Variants in HPRT1 observed in about 807,000 individuals in gnomAD.
HPRT1 encodes the protein hypoxanthine phosphoribosyltransferase 1.
In HPRT1, 4 loss-of-function variants were observed where a neutral mutation model predicts 19.0. The ratio of observed to expected loss-of-function variants is 0.21; its 90% CI spans 0.10 to 0.48. The LOEUF (loss-of-function observed/expected upper bound fraction) is 0.48, where lower values mean the gene tolerates loss of function less well. Ranked by LOEUF, HPRT1 falls within the 20% of genes least tolerant of loss-of-function variation. The pLI, the probability that HPRT1 is intolerant of heterozygous loss-of-function variation, is 0.98. For synonymous variants in HPRT1, 53 were observed against 54.9 expected (o/e 0.97, Z 0.15); for missense variants, 65 against 164.0 (o/e 0.40, Z 3.30).
At chrX:134,472,898 T>G (rs1332923307) in intron 1 of HPRT1, among the ~76,000 whole-genome samples, 1 of 109,468 alleles carries the variant, frequency 9.1e-6, no homozygotes, top group Non-Finnish European at 1.9e-5. Flanking sequence ...GTTTGTTTTG[T>G]TTTTTTTGAG....
chrX:134,495,081 G>T (rs1008113402), intron 6 of HPRT1, among the ~76,000 whole-genome samples: 4 of 109,760 alleles, frequency 3.6e-5, no homozygotes, highest in Non-Finnish European at 7.6e-5. Context: ...CACTCTCCCT[G>T]CTGAGAATTA....
chrX:134,466,608 G>T (rs1194818606), intron 1 of HPRT1, among the ~76,000 whole-genome samples: 1 of 111,557 alleles, frequency 9.0e-6, no homozygotes, highest in Non-Finnish European at 1.9e-5. Flanking sequence ...CTCAGTCTGT[G>T]GTATTTTGTT....
chrX:134,470,083 T>C (rs1025732570), intron 1 of HPRT1, among the ~76,000 whole-genome samples: 16 of 112,688 alleles, frequency 1.4e-4, no homozygotes, highest in African/African-American at 5.2e-4. Flanking sequence ...GGCATAATCT[T>C]TTCCCCCAAG....
At chrX:134,469,574 T>C (rs1424889852) in intron 1 of HPRT1, among the ~76,000 whole-genome samples, 1 of 111,942 alleles carries the variant, frequency 8.9e-6, no homozygotes, top group South Asian at 3.7e-4. Context: ...ACTTTTCAAA[T>C]TCTTAGTCGA....
intron 5 of HPRT1, among the ~76,000 whole-genome samples, chrX:134,492,142 C>T (rs991665052): frequency 1.5e-4 from 16 of 103,487 alleles, no homozygotes; most frequent in Admixed American, 9.7e-4. Context: ...CCTCCCACCT[C>T]GGCCTCGCAA....
chrX:134,490,881 T>C (rs2077664600), intron 5 of HPRT1, among the ~76,000 whole-genome samples: 1 of 108,303 alleles, frequency 9.2e-6, no homozygotes, highest in Admixed American at 1.0e-4. Flanking sequence ...ATTAAGGCCT[T>C]CCCTGGCCAT....
At chrX:134,472,913 A>C (rs2077614333) in intron 1 of HPRT1, among the ~76,000 whole-genome samples, 1 of 108,758 alleles carries the variant, frequency 9.2e-6, no homozygotes, top group African/African-American at 3.4e-5. Context: ...TTTGAGACAG[A>C]GTCTTGCTCT....
rs773237373 is a variant in HPRT1, at chrX:134,473,279, G to A, written c.28-80G>A. On this transcript the variant is annotated intron_variant, in intron 1 of 8. Coordinates refer to ENST00000298556, the MANE Select transcript of HPRT1 (RefSeq NM_000194.3). ...ACCTAAATTTCTCTGATAGACTAAG[G>A]TTATTTTTTAACATCTTAATCCAAT... is the stretch of plus-strand genomic sequence containing the variant. The A allele has an allele frequency of 1.7e-3, 1,105 of 644,901 alleles. 1 individual carries two copies. The highest frequency in any genetic ancestry group is 2.3e-3 in the Non-Finnish European group (896 of 386,314). The allele number at this position is 644,901 out of a possible 1,213,427, so 53.1% of individuals were successfully genotyped here. A position where few individuals can be genotyped will look rare whatever the true frequency, so the allele number is the denominator to read the frequency against.
intron 2 of HPRT1, 139 bp from the exon 3 acceptor site, chrX:134,475,042 G>T (rs1186038965): frequency 2.1e-6 from 1 of 470,573 alleles, no homozygotes; most frequent in African/African-American, 2.5e-5. Context: ...TACCATGCCT[G>T]GCTAATTTTT....
intron 1 of HPRT1, among the ~76,000 whole-genome samples, chrX:134,471,334 A>C (rs550933051): frequency 2.9e-4 from 32 of 111,693 alleles, no homozygotes; most frequent in African/African-American, 9.7e-4. Context: ...AGGTACATAT[A>C]TAGTATTTAT....
intron 3 of HPRT1, among the ~76,000 whole-genome samples, chrX:134,479,671 C>A (rs370463029): frequency 9.0e-5 from 10 of 110,944 alleles, no homozygotes; most frequent in African/African-American, 2.9e-4. Flanking sequence ...TGCAGTGGTG[C>A]CATCTTGGTT....
At chrX:134,476,265 C>G (rs2077624994) in intron 3 of HPRT1, among the ~76,000 whole-genome samples, 1 of 111,906 alleles carries the variant, frequency 8.9e-6, no homozygotes, top group Non-Finnish European at 1.9e-5. Flanking sequence ...TTGACCTTTT[C>G]CATGTTTACA....
chrX:134,461,905 G>T (rs2077585155), intron 1 of HPRT1, among the ~76,000 whole-genome samples: 1 of 112,069 alleles, frequency 8.9e-6, no homozygotes, highest in South Asian at 3.6e-4. Flanking sequence ...AGTGGCTGTT[G>T]TTTTTATTCA....
chrX:134,460,321 C>A lies in HPRT1; in HGVS notation c.10C>A (p.Arg4Ser). Residue 4 changes from arginine (R) to serine (S), a missense_variant, in exon 1 of 9, where the codon CGC (arginine) becomes AGC (serine). This residue lies in a region of HPRT1 where 23 missense variants were observed against 29.3 expected (regional missense o/e 0.79). Coordinates refer to ENST00000298556, the MANE Select transcript of HPRT1 (RefSeq NM_000194.3). ...GCCGGCCGGCTCCGTTATGGCGACC[C>A]GCAGCCCTGGCGTCGTGGTGAGCAG... MAT[R>S]SPGVVISDDE... The A allele has an allele frequency of 8.8e-7, 1 of 1,131,751 alleles. No individual in the cohort carries two copies. The highest frequency in any genetic ancestry group is 1.2e-6 in the Non-Finnish European group (1 of 860,047). The allele number at this position is 1,131,751 out of a possible 1,213,427, so 93.3% of individuals were successfully genotyped here.
chrX:134,482,836 A>C (rs1399913129), intron 3 of HPRT1, among the ~76,000 whole-genome samples: 2 of 110,355 alleles, frequency 1.8e-5, no homozygotes, highest in African/African-American at 6.6e-5. Flanking sequence ...TTTATCTGAG[A>C]TACAGTCTAC....
At chrX:134,492,639 C>T (rs1353920858) in intron 5 of HPRT1, 4 of 280,106 alleles carry the variant, frequency 1.4e-5, no homozygotes, top group Non-Finnish European at 2.7e-5. Flanking sequence ...CACAACATGG[C>T]AGCTGACTTC....
intron 1 of HPRT1, among the ~76,000 whole-genome samples, chrX:134,471,503 T>C (rs2077610404): frequency 8.9e-6 from 1 of 111,999 alleles, no homozygotes; most frequent in Non-Finnish European, 1.9e-5. Context: ...GAGTTGACTA[T>C]AATAATCTTA....
intron 1 of HPRT1, among the ~76,000 whole-genome samples, chrX:134,470,637 T>G (rs1255135928): frequency 6.3e-5 from 7 of 111,645 alleles, no homozygotes; most frequent in Admixed American, 1.9e-4. Context: ...GGTAATTTAG[T>G]ATTGAATAGC....
At chrX:134,468,854 T>G (rs1403651363) in intron 1 of HPRT1, among the ~76,000 whole-genome samples, 1 of 111,952 alleles carries the variant, frequency 8.9e-6, no homozygotes, top group Non-Finnish European at 1.9e-5. Context: ...TGGGAAAAGT[T>G]GTCATTTAAA....
Sources: allele counts gnomAD v4.1 joint callset (sites outside exome capture counted in the v4.1 genomes callset), GRCh38; gene constraint gnomAD v4.1.1; regional missense constraint gnomAD v4.1.1; transcripts MANE v1.5; gene names NCBI Gene and HGNC (gene_info 2026-07-23, HGNC 2026-07-21).